Variants in TTC39C observed in about 807,000 individuals in gnomAD.
TTC39C encodes the protein tetratricopeptide repeat domain 39C.
A neutral mutation model predicts 76.3 loss-of-function variants in TTC39C; 33 were observed. The ratio of observed to expected loss-of-function variants is 0.43; its 90% confidence interval spans 0.33 to 0.58. The LOEUF (loss-of-function observed/expected upper bound fraction) is 0.58. TTC39C is among the 20% of genes least tolerant of loss of function. The probability of loss-of-function intolerance (pLI) is 0.04; values close to 1 mark genes in which losing one functional copy is unlikely to be tolerated. For synonymous variants in TTC39C, 254 were observed against 260.6 expected, an observed-to-expected ratio of 0.97 and a Z score of 0.24; for missense variants, 595 against 701.4, an observed-to-expected ratio of 0.85 and a Z score of 1.71.
In TTC39C at chr18:24,118,118, T is replaced by C. The variant is rs575594567; in HGVS notation, c.1079-7T>C. ...AGGGTCATGTGCTAAAAATATTTCT[T>C]TCATAGGTTGGTGCAGCATGATAGA... On this transcript the variant is annotated splice_region_variant and splice_polypyrimidine_tract_variant and intron_variant, in intron 7 of 13. Coordinates refer to ENST00000317571, the MANE Select transcript of TTC39C (RefSeq NM_001135993.2). 8.1e-5 allele frequency: 130 copies of C among 1,611,610 alleles called. 1 individual carries two copies. In the South Asian group the frequency reaches 1.3e-3, roughly 16 times the overall value.
chr18:24,064,239 G>A (rs773721863), intron 2 of TTC39C, 51 bp downstream of exon 2: 37 of 1,597,932 alleles, frequency 2.3e-5, no homozygotes, highest in Admixed American at 3.4e-5. Context: ...ATTATATAAA[G>A]TAATGTCTGT....
At chr18:24,101,001 C>T (rs2084666269) in intron 6 of TTC39C, among the ~76,000 whole-genome samples, 1 of 152,164 alleles carries the variant, frequency 6.6e-6, no homozygotes, top group South Asian at 2.1e-4. Context: ...TAAGAATATG[C>T]AGGTATGCTA....
At chr18:24,090,714 C>G (rs999709526) in intron 6 of TTC39C, among the ~76,000 whole-genome samples, 4 of 149,840 alleles carry the variant, frequency 2.7e-5, no homozygotes, top group African/African-American at 9.8e-5. Flanking sequence ...ACAAAGTAAT[C>G]AAGACAGTGT....
At position 24,123,971 on chromosome 18, in the gene TTC39C, A is replaced by G. The variant is rs772485027; in HGVS notation, c.1296+28A>G. ...ATGTTGGAGCCTATTGATCTGGTGT[A>G]TTACTTATGATGGGCATTTGTAACC... On this transcript the variant is annotated intron_variant, in intron 9 of 13. Transcript: ENST00000317571. 7.9e-6 allele frequency: 12 copies of G among 1,509,772 alleles called. No individual in the cohort carries two copies. In the East Asian group the frequency reaches 2.5e-4, roughly 32 times the overall value. 93.5% of individuals were successfully genotyped at this position (1,509,772 alleles called of 1,614,324 possible).
rs1055209504 is a variant in TTC39C at position 24,022,807 on chromosome 18, C to A, written c.167+7769C>A. 3 of 985,266 alleles carry A rather than the reference C, an allele frequency of 3.0e-6. No individual in the cohort carries two copies. The African/African-American group carries it at 5.2e-5, about 17-fold the overall frequency. 61.0% of individuals were successfully genotyped at this position (985,266 alleles called of 1,614,324 possible). A position where few individuals can be genotyped will look rare whatever the true frequency, so the allele number is the denominator to read the frequency against. ...TCCTGTCCTGCTGCCCTTGTCCCTT[C>A]CATGCTAGTTGTGCTGGAATATTTT... On this transcript the variant is annotated intron_variant, in intron 1 of 13. Coordinates refer to ENST00000317571, the MANE Select transcript of TTC39C (RefSeq NM_001135993.2).
At chr18:24,078,910 G>A (rs547521734) in intron 4 of TTC39C, among the ~76,000 whole-genome samples, 1 of 152,288 alleles carries the variant, frequency 6.6e-6, no homozygotes, top group South Asian at 2.1e-4. Context: ...AACCTTTTTA[G>A]CAGTTCTATT....
upstream of TTC39C, among the ~76,000 whole-genome samples, chr18:24,009,989 T>C (rs916883478): frequency 3.3e-5 from 5 of 152,184 alleles, no homozygotes; most frequent in Non-Finnish European, 7.3e-5. Context: ...ACAACTATGT[T>C]CCCTTCCTTA....
At chr18:24,031,268 AG>A (rs373536373) in intron 1 of TTC39C, among the ~76,000 whole-genome samples, 90,581 of 151,918 alleles carry the variant, frequency 0.6, 30,691 homozygotes, top group Non-Finnish European at 0.78. Flanking sequence ...TCCGAGGATA[AG>A]TCTTTTACCA....
At chr18:24,072,788 G>C (rs965280344) in intron 4 of TTC39C, among the ~76,000 whole-genome samples, 3 of 152,140 alleles carry the variant, frequency 2.0e-5, no homozygotes, top group Admixed American at 1.3e-4. Context: ...TATGGCACTT[G>C]CCACCTTGTT....
intron 6 of TTC39C, among the ~76,000 whole-genome samples, chr18:24,090,797 CTTTTTTTTTT>C (rs1218689781): frequency 5.0e-5 from 4 of 79,524 alleles, no homozygotes; most frequent in Non-Finnish European, 7.1e-5. Flanking sequence ...GATTAATTTA[CTTTTTTTTTT>C]TTTTTTTTTT....
intron 7 of TTC39C, among the ~76,000 whole-genome samples, chr18:24,117,065 A>T (rs1300477517): frequency 6.6e-6 from 1 of 151,722 alleles, no homozygotes; most frequent in Non-Finnish European, 1.5e-5. Flanking sequence ...CGATCCTCCC[A>T]CCTCAGCCTC....
chr18:24,102,430 C>A (rs547863606), intron 6 of TTC39C, among the ~76,000 whole-genome samples: 1 of 152,170 alleles, frequency 6.6e-6, no homozygotes, highest in Non-Finnish European at 1.5e-5. Flanking sequence ...GAGGATGAAA[C>A]TTCCCTGCCC....
chr18:24,015,681 T>C (rs1451027756), intron 1 of TTC39C, among the ~76,000 whole-genome samples: 1 of 152,228 alleles, frequency 6.6e-6, no homozygotes, highest in Admixed American at 6.5e-5. Context: ...AAGCAGGCGT[T>C]ATTTATTAAG....
intron 2 of TTC39C, 94 bp from the exon 3 acceptor site, chr18:24,065,918 A>C (rs1324975279): frequency 7.9e-7 from 1 of 1,263,794 alleles, no homozygotes. Context: ...TAAATAATTT[A>C]AGTGTTTTTT....
chr18:24,078,506 C>T (rs1320652904), intron 4 of TTC39C, among the ~76,000 whole-genome samples: 9 of 152,012 alleles, frequency 5.9e-5, no homozygotes, highest in African/African-American at 1.9e-4. Flanking sequence ...TTTTGTAGTT[C>T]GTTTGTGTTC....
chr18:24,090,313 T>C lies in TTC39C; in HGVS notation c.984+7232T>C, dbSNP rs191560367. On this transcript the variant is annotated intron_variant, in intron 6 of 13. Coordinates refer to ENST00000317571, the MANE Select transcript of TTC39C (RefSeq NM_001135993.2). ...TAAACAGCTCTGTGTAGCTCTTAAA[T>C]GATGAGAAATTCTCAAGAAATAGGG... Among the ~76,000 whole-genome samples, 3 of 152,330 alleles carry C rather than the reference T, an allele frequency of 2.0e-5. No homozygotes were observed. In the East Asian group the frequency reaches 5.8e-4, roughly 29 times the overall value.
At chr18:24,123,389 GTTTGT>G (rs1398495377) in intron 8 of TTC39C, among the ~76,000 whole-genome samples, 1 of 27,222 alleles carries the variant, frequency 3.7e-5, no homozygotes, top group Non-Finnish European at 1.3e-3. Flanking sequence ...TCTTTTTTTT[GTTTGT>G]TTGTTTGTTT....
chr18:24,073,999 T>C (rs908306396), intron 4 of TTC39C, among the ~76,000 whole-genome samples: 2 of 152,238 alleles, frequency 1.3e-5, no homozygotes, highest in South Asian at 4.1e-4. Flanking sequence ...ATGTTGAGCA[T>C]TTCCTATGTG....
chr18:24,124,019 G>C, intron 9 of TTC39C, 76 bp downstream of exon 9: 1 of 1,072,326 alleles, frequency 9.3e-7, no homozygotes, highest in Non-Finnish European at 1.3e-6. Flanking sequence ...GCAAGCTTTA[G>C]GAAATTATAT....
Sources: allele counts gnomAD v4.1 joint callset (sites outside exome capture counted in the v4.1 genomes callset), GRCh38; gene constraint gnomAD v4.1.1; transcripts MANE v1.5; gene names NCBI Gene and HGNC (gene_info 2026-07-23, HGNC 2026-07-21).